The following NTM variants were observed in gnomAD, a reference collection of about 807,000 sequenced individuals.
NTM encodes neurotrimin.
NTM carries 13 observed loss-of-function variants against 42.1 expected under a neutral mutation model. That is an observed-to-expected ratio of 0.31 (90% confidence interval 0.20 to 0.49). NTM has a LOEUF of 0.49. NTM is among the 20% of genes least tolerant of loss of function. The pLI, the probability that NTM is intolerant of heterozygous loss-of-function variation, is 0.99. For missense variants in NTM, 373 were observed against 452.8 expected, an observed-to-expected ratio of 0.82 and a Z score of 1.60; for synonymous variants, 187 against 179.2, an observed-to-expected ratio of 1.04 and a Z score of -0.35.
intron 1 of NTM, chr11:131,662,540 G>C (rs1013949678): frequency 4.6e-5 from 7 of 152,180 alleles, no homozygotes; most frequent in Non-Finnish European, 1.0e-4. Flanking sequence ...CCTAGAAACT[G>C]CCCAACATGG....
rs67024038 is a variant in NTM at position 131,599,237 on chromosome 11, G to A, written c.82+228349G>A. Among the ~76,000 whole-genome samples the A allele has an allele frequency of 1.6e-3, 87 of 54,412 alleles. 1 individual carries two copies. The highest frequency in any genetic ancestry group is 8.8e-3 in the East Asian group (7 of 794). The allele number at this position is 54,412 out of a possible 152,430, so 35.7% of individuals were successfully genotyped here. A position where few individuals can be genotyped will look rare whatever the true frequency, so the allele number is the denominator to read the frequency against. ...GCCTGTTTTCTCATTTTGATGCATC[G>A]GCCCGAGTGTGCCATGCCCTGTCTA... On this transcript the variant is annotated intron_variant, in intron 1 of 8. Coordinates refer to ENST00000683400, the MANE Select transcript of NTM (RefSeq NM_001352005.2).
At chr11:131,573,261 A>T (rs2057623670) in intron 1 of NTM, among the ~76,000 whole-genome samples, 1 of 152,076 alleles carries the variant, frequency 6.6e-6, no homozygotes, top group African/African-American at 2.4e-5. Flanking sequence ...TGGGGTTTAC[A>T]TTTTGGCTCT....
chr11:131,765,018 T>C (rs1360951376), intron 1 of NTM, among the ~76,000 whole-genome samples: 2 of 152,152 alleles, frequency 1.3e-5, no homozygotes, highest in East Asian at 3.9e-4. Context: ...CCAAAGTTCT[T>C]GCCGCTCACT....
rs1393477081 is a variant in NTM at position 132,134,277 on chromosome 11, C to G, written c.168-12005C>G. Among the ~76,000 whole-genome samples, 3 of 152,040 alleles carry G rather than the reference C, an allele frequency of 2.0e-5. No homozygotes were observed. The South Asian group carries it at 6.2e-4, about 32-fold the overall frequency. On this transcript the variant is annotated intron_variant, in intron 2 of 8. Transcript: ENST00000683400. ...TCCTAGGGGGAACACCTTCTCACCT[C>G]TTTTCTGTTTATTCAGCTGATCTTT... is the stretch of plus-strand genomic sequence containing the variant.
Position 131,550,602 on chromosome 11 carries a change from C to T in NTM, c.82+179714C>T, listed in dbSNP as rs374847374. Among the ~76,000 whole-genome samples, 2 of 152,322 alleles carry T rather than the reference C, an allele frequency of 1.3e-5. 1 individual carries two copies. On this transcript the variant is annotated intron_variant, in intron 1 of 8. Transcript: ENST00000683400. ...ATGATTGTTAATTTTCTGAATCCTC[C>T]TTGGCCATGCTTCCTGTACAGCCTG...
chr11:131,624,891 C>G (rs1376033144), intron 1 of NTM, among the ~76,000 whole-genome samples: 1 of 152,180 alleles, frequency 6.6e-6, no homozygotes, highest in Non-Finnish European at 1.5e-5. Context: ...GGATTTCTGT[C>G]TCCACAGAGC....
chr11:131,402,956 C>T (rs2135699875), intron 1 of NTM, among the ~76,000 whole-genome samples: 1 of 152,298 alleles, frequency 6.6e-6, no homozygotes, highest in South Asian at 2.1e-4. Flanking sequence ...AAGGATACTC[C>T]ATGTGGATGA....
At chr11:132,231,842 T>C (rs925830349) in intron 4 of NTM, among the ~76,000 whole-genome samples, 15 of 137,822 alleles carry the variant, frequency 1.1e-4, no homozygotes, top group Non-Finnish European at 2.2e-4. Context: ...AATATCAAGA[T>C]GCTGCTGGCC....
In NTM at chr11:132,028,037, T is replaced by G. The variant is rs1465431636; in HGVS notation, c.167+116389T>G. ...GCATTCTTCATTTCTGTTGATTTTT[T>G]TTTTTATTTCTACCATCTTCTTTTG... On this transcript the variant is annotated intron_variant, in intron 2 of 8. Coordinates refer to ENST00000683400, the MANE Select transcript of NTM (RefSeq NM_001352005.2). 1.2e-4 allele frequency among the ~76,000 whole-genome samples: 18 copies of G among 152,272 alleles called. No individual in the cohort carries two copies. The South Asian group carries it at 1.9e-3, about 16-fold the overall frequency.
At position 131,521,383 on chromosome 11, in the gene NTM, C is replaced by CTTTTTT. The variant is rs773233050; in HGVS notation, c.82+150529_82+150534dup. Among the ~76,000 whole-genome samples the CTTTTTT allele has an allele frequency of 2.3e-3, 106 of 45,756 alleles. 39 individuals carry two copies. Among genetic ancestry groups the CTTTTTT allele is most frequent in the Admixed American group, 3.4e-3 (9 of 2,650 alleles). 30.0% of individuals were successfully genotyped at this position (45,756 alleles called of 152,430 possible). On this transcript the variant is annotated intron_variant, in intron 1 of 8. Transcript: ENST00000683400. ...AATGCAGAAGAAGCAAGGTGCCAGT[C>CTTTTTT]TTTTTTTTTTTTTTTTTTTTTTTTT...
chr11:131,789,641 AGAAGAAG>A (rs2090503337), intron 1 of NTM, among the ~76,000 whole-genome samples: 1 of 125,866 alleles, frequency 7.9e-6, no homozygotes, highest in Non-Finnish European at 1.7e-5. Context: ...GAAGAAAAGA[AGAAGAAG>A]AAGAAGAAGA....
chr11:131,483,424 C>G (rs4937629), intron 1 of NTM, among the ~76,000 whole-genome samples: 25,166 of 152,038 alleles, frequency 0.17, 3,724 homozygotes, highest in East Asian at 0.45. Flanking sequence ...AGGCCTAGTG[C>G]CATAGAGCGA....
At chr11:131,502,829 A>ATGCT (rs1433170176) in intron 1 of NTM, 27 of 152,202 alleles carry the variant, frequency 1.8e-4, no homozygotes, top group African/African-American at 6.0e-4. Context: ...ATCTGATCGA[A>ATGCT]TGCTTTTGTT....
At chr11:131,380,080 C>T (rs1354401298) in intron 1 of NTM, among the ~76,000 whole-genome samples, 1 of 152,178 alleles carries the variant, frequency 6.6e-6, no homozygotes, top group Non-Finnish European at 1.5e-5. Context: ...TTTCCTGTTG[C>T]TCCCTCTGTA....
chr11:131,928,981 A>G (rs7116183), intron 2 of NTM, among the ~76,000 whole-genome samples: 1 of 152,062 alleles, frequency 6.6e-6, no homozygotes, highest in Non-Finnish European at 1.5e-5. Context: ...CATAGTGTGT[A>G]GTTTAGAATC....
intron 1 of NTM, among the ~76,000 whole-genome samples, chr11:131,768,279 C>G (rs190659240): frequency 6.6e-6 from 1 of 151,916 alleles, no homozygotes; most frequent in Admixed American, 6.6e-5. Flanking sequence ...CCACCATGCC[C>G]GGCTAATTTT....
chr11:132,280,328 G>C (rs1186639076), intron 4 of NTM, among the ~76,000 whole-genome samples: 3 of 152,080 alleles, frequency 2.0e-5, no homozygotes, highest in Non-Finnish European at 2.9e-5. Flanking sequence ...GTAACATGGT[G>C]AAAGTACAGG....
At chr11:132,187,850 G>A (rs1174811847) in intron 3 of NTM, among the ~76,000 whole-genome samples, 1 of 152,170 alleles carries the variant, frequency 6.6e-6, no homozygotes, top group Admixed American at 6.5e-5. Context: ...TGCTTTGAAA[G>A]TGAACATGGA....
chr11:131,637,285 G>A (rs1323715647), intron 1 of NTM, among the ~76,000 whole-genome samples: 1 of 151,904 alleles, frequency 6.6e-6, no homozygotes, highest in African/African-American at 2.4e-5. Context: ...ACCCTCTGTA[G>A]AGAAAGCAAC....
Sources: gnomAD v4.1 joint callset for allele counts (sites outside exome capture counted in the v4.1 genomes callset) on GRCh38, gnomAD v4.1.1 for gene constraint, MANE v1.5 for transcripts, NCBI Gene and HGNC (gene_info 2026-07-23, HGNC 2026-07-21) for gene names.